Variants in TNFRSF10C observed in about 807,000 individuals in gnomAD.
The protein encoded by TNFRSF10C is tumor necrosis factor receptor superfamily member 10C.
Under a neutral mutation model 16.7 loss-of-function variants are expected in TNFRSF10C, and 17 were observed. The observed-to-expected ratio is 1.02, with a 90% CI of 0.70 to 1.53. The LOEUF is 1.53. Ranked by LOEUF, TNFRSF10C falls within the 40% of genes most tolerant of loss-of-function variation. The probability of loss-of-function intolerance (pLI) is 0.00; values close to 1 mark genes in which losing one functional copy is unlikely to be tolerated. For missense variants in TNFRSF10C, 237 were observed against 329.7 expected, an observed-to-expected ratio of 0.72 and a Z score of 2.18; for synonymous variants, 73 against 119.7, an observed-to-expected ratio of 0.61 and a Z score of 2.55.
intron 1 of TNFRSF10C, among the ~76,000 whole-genome samples, chr8:23,111,276 G>A (rs753036591): frequency 3.3e-5 from 5 of 151,544 alleles, no homozygotes; most frequent in Non-Finnish European, 7.4e-5. Flanking sequence ...GAGTGCAATG[G>A]CGCGATCTTG....
Position 23,116,675 on chromosome 8 carries a change from A to G in TNFRSF10C, c.424A>G (p.Thr142Ala), listed in dbSNP as rs763312157. Residue 142 changes from threonine (T) to alanine (A), a missense_variant, in exon 5 of 5, where the codon ACG becomes GCG. Around this residue, in one of 2 missense-constraint regions of TNFRSF10C, gnomAD observed 212 missense variants for 196.8 expected, o/e 1.08. Transcript: ENST00000356864. ...PSGEVQVSNCTSWDDIQCVEE... is the reference protein window; with the variant it reads ...PSGEVQVSNCASWDDIQCVEE... Reference sequence around the variant, plus strand: ...TGGGGAAGTCCAAGTCAGTAATTGTACGTCCTGGGATGATATCCAGTGTGT... The same window carrying G: ...TGGGGAAGTCCAAGTCAGTAATTGTGCGTCCTGGGATGATATCCAGTGTGT... The G allele has an allele frequency of 2.4e-5, 39 of 1,614,202 alleles. No individual in the cohort carries two copies. In the East Asian group the frequency reaches 7.6e-4, roughly 31 times the overall value.
At chr8:23,107,132 C>G (rs895421827) in intron 1 of TNFRSF10C, among the ~76,000 whole-genome samples, 3 of 152,036 alleles carry the variant, frequency 2.0e-5, no homozygotes, top group African/African-American at 7.3e-5. Context: ...CACTTGAGCC[C>G]AGGAGTTCAA....
intron 1 of TNFRSF10C, among the ~76,000 whole-genome samples, chr8:23,104,686 C>G (rs2128829598): frequency 6.6e-6 from 1 of 152,344 alleles, no homozygotes; most frequent in South Asian, 2.1e-4. Context: ...GTGCCTGTGT[C>G]CCTACACCTT....
At chr8:23,109,777 G>C (rs9918919) in intron 1 of TNFRSF10C, among the ~76,000 whole-genome samples, 126,049 of 152,146 alleles carry the variant, frequency 0.83, 52,361 homozygotes, top group Admixed American at 0.88. Context: ...AAAGAACTGA[G>C]AAAACCAACT....
chr8:23,109,471 A>G (rs1208259017), intron 1 of TNFRSF10C, among the ~76,000 whole-genome samples: 4 of 151,998 alleles, frequency 2.6e-5, no homozygotes, highest in Admixed American at 2.0e-4. Context: ...CCCTGTCTCT[A>G]CTAAAAATAC....
chr8:23,117,063 A>T lies in TNFRSF10C; in HGVS notation c.*32A>T. Reference sequence around the variant, plus strand: ...TCACTGTGGAAGAAATTCCTTCCTTACCTGAAAGGTTCAGGTAGGCGCTGG... The same window carrying T: ...TCACTGTGGAAGAAATTCCTTCCTTTCCTGAAAGGTTCAGGTAGGCGCTGG... On this transcript the variant is annotated 3_prime_UTR_variant, in exon 5 of 5. Coordinates refer to ENST00000356864, the MANE Select transcript of TNFRSF10C (RefSeq NM_003841.5). 6.2e-7 allele frequency: 1 copy of T among 1,605,868 alleles called. No homozygotes were observed. Among genetic ancestry groups the T allele is most frequent in the Non-Finnish European group, 8.5e-7 (1 of 1,176,006 alleles).
chr8:23,109,702 T>C (rs1813845114), intron 1 of TNFRSF10C, among the ~76,000 whole-genome samples: 1 of 149,384 alleles, frequency 6.7e-6, no homozygotes, highest in African/African-American at 2.5e-5. Context: ...TCATAAAATA[T>C]AAGTGTAAAT....
chr8:23,104,493 T>C (rs1483889586), intron 1 of TNFRSF10C, among the ~76,000 whole-genome samples: 1 of 152,240 alleles, frequency 6.6e-6, no homozygotes, highest in Non-Finnish European at 1.5e-5. Flanking sequence ...TTGTACTAAA[T>C]ACCCTTGTAT....
chr8:23,111,736 C>A lies in TNFRSF10C; in HGVS notation c.77C>A (p.Ala26Asp), dbSNP rs772468769. 2.5e-6 allele frequency: 4 copies of A among 1,613,880 alleles called. No homozygotes were observed. In the African/African-American group the frequency reaches 5.3e-5, roughly 22 times the overall value. ...AVLLPVLAYS[A>D]TTARQEEVPQ... Reference sequence around the variant, plus strand: ...TCCCCACAGGTCCTAGCTTACTCTGCCACCACTGCCCGGCAGGAGGAAGTT... The same window carrying A: ...TCCCCACAGGTCCTAGCTTACTCTGACACCACTGCCCGGCAGGAGGAAGTT... The change falls in exon 2 of 5, where the codon GCC (alanine) becomes GAC (aspartate). Residue 26 changes from alanine (A) to aspartate (D), a missense_variant. Physicochemically the swap from Ala to Asp is moderately radical, Grantham distance 126. This residue lies in a region of TNFRSF10C where 212 missense variants were observed against 196.8 expected (regional missense o/e 1.08). Transcript: ENST00000356864.
At chr8:23,114,634 T>C (rs1156290580) in intron 2 of TNFRSF10C, 23 bp from the exon 3 acceptor site, 4 of 1,593,162 alleles carry the variant, frequency 2.5e-6, no homozygotes, top group Admixed American at 1.7e-5. Context: ...GACTCATTCA[T>C]TGGCTTTTCT....
At chr8:23,107,168 C>T (rs1161662649) in intron 1 of TNFRSF10C, among the ~76,000 whole-genome samples, 1 of 152,050 alleles carries the variant, frequency 6.6e-6, no homozygotes, top group African/African-American at 2.4e-5. Flanking sequence ...CATAGCAAAA[C>T]CCGGTCACAA....
At chr8:23,106,341 G>A (rs945536972) in intron 1 of TNFRSF10C, among the ~76,000 whole-genome samples, 4 of 152,038 alleles carry the variant, frequency 2.6e-5, no homozygotes, top group African/African-American at 9.7e-5. Flanking sequence ...ATGTGGTACT[G>A]TTGGCCTGGA....
At chr8:23,113,081 C>A (rs1049257428) in intron 2 of TNFRSF10C, among the ~76,000 whole-genome samples, 2 of 152,092 alleles carry the variant, frequency 1.3e-5, no homozygotes, top group African/African-American at 2.4e-5. Flanking sequence ...ACTTTTTGGC[C>A]ACTTCTATGT....
intron 4 of TNFRSF10C, 49 bp from the exon 5 acceptor site, chr8:23,116,592 G>A: frequency 6.3e-7 from 1 of 1,580,266 alleles, no homozygotes; most frequent in Non-Finnish European, 8.6e-7. Flanking sequence ...TATCCCACCT[G>A]GCTAGCTTTC....
intron 2 of TNFRSF10C, among the ~76,000 whole-genome samples, chr8:23,112,687 A>G (rs555662355): frequency 2.0e-5 from 3 of 152,342 alleles, no homozygotes; most frequent in Non-Finnish European, 4.4e-5. Context: ...CATTGTATCT[A>G]TGTGTCACAT....
chr8:23,112,784 G>T (rs945428036), intron 2 of TNFRSF10C, among the ~76,000 whole-genome samples: 1 of 152,120 alleles, frequency 6.6e-6, no homozygotes, highest in Non-Finnish European at 1.5e-5. Context: ...CATATGGGAG[G>T]GAAGATATCT....
In TNFRSF10C at chr8:23,117,253, G is replaced by A; in HGVS notation, c.*222G>A. 2 of 677,070 alleles carry A rather than the reference G, an allele frequency of 3.0e-6. No homozygotes were observed. Among genetic ancestry groups the A allele is most frequent in the Non-Finnish European group, 4.9e-6 (2 of 410,978 alleles). 41.9% of individuals were successfully genotyped at this position (677,070 alleles called of 1,614,324 possible). The stretch of plus-strand genomic sequence containing the variant: ...CATCCCGTGCACCCCCCAGGACCCT[G>A]GTCTCATCAGTCCCTCTCCTGGAGC... On this transcript the variant is annotated 3_prime_UTR_variant, in exon 5 of 5. Transcript: ENST00000356864.
chr8:23,103,494 C>T (rs561532456), intron 1 of TNFRSF10C: 9 of 508,244 alleles, frequency 1.8e-5, no homozygotes, highest in East Asian at 6.9e-5. Context: ...AGACACAGAG[C>T]GGTTGCCTCT....
chr8:23,116,538 G>C, intron 4 of TNFRSF10C, 103 bp from the exon 5 acceptor site: 1 of 1,473,238 alleles, frequency 6.8e-7, no homozygotes, highest in Non-Finnish European at 9.1e-7. Flanking sequence ...TCCTTCCCCT[G>C]ACACCTTCTC....
Sources: gnomAD v4.1 joint callset for allele counts (sites outside exome capture counted in the v4.1 genomes callset) on GRCh38, gnomAD v4.1.1 for gene constraint, gnomAD v4.1.1 regional missense constraint, MANE v1.5 for transcripts, NCBI Gene and HGNC (gene_info 2026-07-23, HGNC 2026-07-21) for gene names.